CSGALNACT1: variants seen among roughly 807,000 people sequenced by gnomAD.
CSGALNACT1 encodes beta4GalNAcT-1.
In CSGALNACT1, 52 loss-of-function variants were observed where a neutral mutation model predicts 51.0. That is an observed-to-expected ratio of 1.02 (90% CI 0.82 to 1.29). The LOEUF (loss-of-function observed/expected upper bound fraction) is 1.29. CSGALNACT1 is among the 50% of genes most tolerant of loss of function. CSGALNACT1 has a pLI of 0.00. For missense variants in CSGALNACT1, 935 were observed against 679.2 expected (o/e 1.38, Z -4.19); for synonymous variants, 341 against 254.4 (o/e 1.34, Z -3.24).
intron 6 of CSGALNACT1, among the ~76,000 whole-genome samples, chr8:19,427,610 A>C (rs1056412190): frequency 3.3e-5 from 5 of 152,068 alleles, no homozygotes; most frequent in African/African-American, 9.7e-5. Context: ...AACACGGTGA[A>C]ACCCTGTCTC....
At chr8:19,607,460 G>C (rs1049882265), upstream of CSGALNACT1, among the ~76,000 whole-genome samples, 3 of 152,200 alleles carry the variant, frequency 2.0e-5, no homozygotes, top group Non-Finnish European at 4.4e-5. Context: ...GATACAGACA[G>C]CTGATGGACC....
At chr8:19,691,215 C>T (rs2061297913) in intron 1 of CSGALNACT1, among the ~76,000 whole-genome samples, 1 of 152,170 alleles carries the variant, frequency 6.6e-6, no homozygotes, top group Admixed American at 6.5e-5. Flanking sequence ...GGTAATGCTC[C>T]AGGCAGCAGG....
chr8:19,675,282 T>G (rs1020108854), intron 1 of CSGALNACT1, among the ~76,000 whole-genome samples: 1 of 152,212 alleles, frequency 6.6e-6, no homozygotes, highest in African/African-American at 2.4e-5. Context: ...GTTGGCAAAG[T>G]AACCTAAGAT....
At chr8:19,460,575 G>A (rs1563520013) in intron 4 of CSGALNACT1, among the ~76,000 whole-genome samples, 2 of 152,140 alleles carry the variant, frequency 1.3e-5, no homozygotes, top group Admixed American at 1.3e-4. Context: ...CCCAGTCACT[G>A]ACTGGCTACA....
rs552869391 is a variant in CSGALNACT1 at position 19,594,784 on chromosome 8, T to C, written c.-415-3506A>G. ...CCAGGCTGGTCTCGAACTCCTGACCTCAGGTGATCCACCCACCTTGGCCTT... is the reference window on the plus strand; with the variant it reads ...CCAGGCTGGTCTCGAACTCCTGACCCCAGGTGATCCACCCACCTTGGCCTT... On this transcript the variant is annotated intron_variant, in intron 2 of 9. Transcript: ENST00000454498. Among the ~76,000 whole-genome samples, 20 of 152,054 alleles carry C rather than the reference T, an allele frequency of 1.3e-4. No individual in the cohort carries two copies. In the South Asian group the frequency reaches 3.3e-3, roughly 25 times the overall value.
intron 3 of CSGALNACT1, among the ~76,000 whole-genome samples, chr8:19,546,890 A>G (rs184516406): frequency 6.6e-6 from 1 of 152,200 alleles, no homozygotes; most frequent in Non-Finnish European, 1.5e-5. Context: ...TTCAGGGTGC[A>G]GAATGATCCT....
chr8:19,670,399 T>C (rs78524239), intron 1 of CSGALNACT1, among the ~76,000 whole-genome samples: 105 of 152,284 alleles, frequency 6.9e-4, no homozygotes, highest in Non-Finnish European at 1.2e-3. Flanking sequence ...TGCAGCCAAG[T>C]TATATCCTGA....
At chr8:19,703,723 T>C (rs1026459980) in intron 1 of CSGALNACT1, among the ~76,000 whole-genome samples, 1 of 152,218 alleles carries the variant, frequency 6.6e-6, no homozygotes, top group Non-Finnish European at 1.5e-5. Context: ...AATCCTCTCA[T>C]GGTCTGCATG....
At chr8:19,461,142 T>C (rs2065265723) in intron 4 of CSGALNACT1, among the ~76,000 whole-genome samples, 2 of 152,356 alleles carry the variant, frequency 1.3e-5, no homozygotes, top group Non-Finnish European at 2.9e-5. Context: ...AGAGTTTTGC[T>C]GAGCTCATGT....
chr8:19,592,763 C>CT (rs1256477904), intron 2 of CSGALNACT1, among the ~76,000 whole-genome samples: 1 of 152,100 alleles, frequency 6.6e-6, no homozygotes, highest in Non-Finnish European at 1.5e-5. Context: ...AAGACAGACC[C>CT]TGTCTCTAAT....
At chr8:19,460,664 G>A (rs886690870) in intron 4 of CSGALNACT1, among the ~76,000 whole-genome samples, 1 of 152,204 alleles carries the variant, frequency 6.6e-6, no homozygotes, top group African/African-American at 2.4e-5. Context: ...ATGGAATACA[G>A]TTTGAAAGGT....
At chr8:19,422,369 A>AT (rs2058085301) in intron 6 of CSGALNACT1, among the ~76,000 whole-genome samples, 2 of 151,998 alleles carry the variant, frequency 1.3e-5, no homozygotes, top group Non-Finnish European at 2.9e-5. Flanking sequence ...ATTCTTAAAA[A>AT]TTTTTTATAG....
intron 1 of CSGALNACT1, among the ~76,000 whole-genome samples, chr8:19,720,086 G>A (rs1309893805): frequency 6.6e-6 from 1 of 152,192 alleles, no homozygotes; most frequent in East Asian, 1.9e-4. Flanking sequence ...TGAGAATGAT[G>A]AGAAAGGCAG....
At chr8:19,636,406 C>T (rs2056072350) in intron 1 of CSGALNACT1, among the ~76,000 whole-genome samples, 1 of 152,052 alleles carries the variant, frequency 6.6e-6, no homozygotes, top group South Asian at 2.1e-4. Flanking sequence ...GGAGCATATC[C>T]CTTGTGTTTA....
chr8:19,419,594 G>A (rs537497407), intron 7 of CSGALNACT1, among the ~76,000 whole-genome samples: 1 of 152,316 alleles, frequency 6.6e-6, no homozygotes, highest in East Asian at 1.9e-4. Flanking sequence ...TGGGTTCTTT[G>A]TGCGAATAGC....
At position 19,711,097 on chromosome 8, in the gene CSGALNACT1, A is replaced by T. The variant is rs540846504; in HGVS notation, c.-297+46753T>A. ...TTTTCTTAATTTATGCTTTAAATAT[A>T]AATATATTTCCAAAGGCAACATAGC... On this transcript the variant is annotated intron_variant, in intron 1 of 1. Coordinates refer to the CSGALNACT1 transcript ENST00000517494. Among the ~76,000 whole-genome samples the T allele has an allele frequency of 2.0e-3, 305 of 152,288 alleles. 1 individual carries two copies. In the Middle Eastern group the frequency reaches 0.02, roughly 10 times the overall value.
chr8:19,664,657 A>C (rs1028235619), intron 1 of CSGALNACT1, among the ~76,000 whole-genome samples: 2 of 151,260 alleles, frequency 1.3e-5, no homozygotes, highest in African/African-American at 2.5e-5. Flanking sequence ...ACACACACAC[A>C]CACACACATA....
At chr8:19,451,508 C>G (rs1273006726) in intron 5 of CSGALNACT1, among the ~76,000 whole-genome samples, 1 of 152,140 alleles carries the variant, frequency 6.6e-6, no homozygotes, top group Non-Finnish European at 1.5e-5. Flanking sequence ...TGTGTGCACC[C>G]AGGAATAAAT....
intron 3 of CSGALNACT1, among the ~76,000 whole-genome samples, chr8:19,537,164 G>C (rs1011320312): frequency 6.6e-6 from 1 of 152,086 alleles, no homozygotes; most frequent in Non-Finnish European, 1.5e-5. Flanking sequence ...ACTAGCTCTG[G>C]AAAACAAGAA....
Sources: gnomAD v4.1 joint callset for allele counts (sites outside exome capture counted in the v4.1 genomes callset) on GRCh38, gnomAD v4.1.1 for gene constraint, MANE v1.5 for transcripts, NCBI Gene and HGNC (gene_info 2026-07-23, HGNC 2026-07-21) for gene names.